The following DLC1 variants were observed in gnomAD, a reference collection of about 807,000 sequenced individuals.
DLC1 encodes the protein DLC1 Rho GTPase activating protein.
In DLC1, 54 loss-of-function variants were observed where a neutral mutation model predicts 140.3. That is an observed-to-expected ratio of 0.38 (90% confidence interval 0.31 to 0.48). The LOEUF (loss-of-function observed/expected upper bound fraction) is 0.48. Ranked by LOEUF, DLC1 falls within the 20% of genes least tolerant of loss-of-function variation. The pLI, the probability that DLC1 is intolerant of heterozygous loss-of-function variation, is 0.96. For missense variants in DLC1, 2,536 were observed against 1,907.0 expected (o/e 1.33, Z -6.14); for synonymous variants, 986 against 728.1 (o/e 1.35, Z -5.70).
intron 5 of DLC1, among the ~76,000 whole-genome samples, chr8:13,131,899 G>C (rs531875347): frequency 2.0e-5 from 3 of 152,306 alleles, no homozygotes; most frequent in South Asian, 2.1e-4. Flanking sequence ...GCTGAAGGAC[G>C]CTCGCGGACG....
At chr8:13,491,530 C>A (rs1356286780) in intron 2 of DLC1, among the ~76,000 whole-genome samples, 1 of 152,148 alleles carries the variant, frequency 6.6e-6, no homozygotes, top group Non-Finnish European at 1.5e-5. Flanking sequence ...CTAACAGTTT[C>A]CTTTTCTACA....
Position 13,188,777 on chromosome 8 carries a change from A to ATGTGTG in DLC1, c.1349-73126_1349-73121dup, listed in dbSNP as rs201849073. Among the ~76,000 whole-genome samples, 90 of 108,822 alleles carry ATGTGTG rather than the reference A, an allele frequency of 8.3e-4. 2 individuals carry two copies. The highest frequency in any genetic ancestry group is 3.4e-3 in the African/African-American group (84 of 24,976). 71.4% of individuals were successfully genotyped at this position (108,822 alleles called of 152,430 possible). ...AGGCATGTGCCACCATGCCCAGCTAATGTGTGTGTGTGTGTGTGTGTGTGT... is the reference window on the plus strand; with the variant it reads ...AGGCATGTGCCACCATGCCCAGCTAATGTGTGTGTGTGTGTGTGTGTGTGTGTGTGT... On this transcript the variant is annotated intron_variant, in intron 5 of 17. Coordinates refer to ENST00000276297, the MANE Select transcript of DLC1 (RefSeq NM_182643.3).
chr8:13,459,265 C>T (rs1161881565), intron 2 of DLC1, among the ~76,000 whole-genome samples: 1 of 152,086 alleles, frequency 6.6e-6, no homozygotes, highest in Non-Finnish European at 1.5e-5. Context: ...CCCCCTCTTT[C>T]ATTCTGTGTC....
At chr8:13,239,474 T>A (rs1459627375) in intron 5 of DLC1, among the ~76,000 whole-genome samples, 1 of 152,120 alleles carries the variant, frequency 6.6e-6, no homozygotes, top group Non-Finnish European at 1.5e-5. Flanking sequence ...TTTAGACTGA[T>A]CACAGGCACA....
upstream of DLC1, chr8:13,514,944 C>T (rs565865498): frequency 1.8e-5 from 5 of 282,596 alleles, no homozygotes; most frequent in Non-Finnish European, 3.3e-5. Context: ...AAAGGCTGTA[C>T]GAAGAGAGGG....
chr8:13,514,363 T>C (rs1021448488), intron 1 of DLC1, among the ~76,000 whole-genome samples: 1 of 152,136 alleles, frequency 6.6e-6, no homozygotes. Context: ...AAAAATAAAA[T>C]CTTACTTTAT....
chr8:13,113,969 C>T (rs1454725375), intron 6 of DLC1, among the ~76,000 whole-genome samples: 1 of 152,200 alleles, frequency 6.6e-6, no homozygotes, highest in Non-Finnish European at 1.5e-5. Flanking sequence ...ATTCACCCAA[C>T]CTCTGTTTGA....
intron 15 of DLC1, among the ~76,000 whole-genome samples, chr8:13,089,704 C>T (rs1306092200): frequency 1.3e-5 from 2 of 152,194 alleles, no homozygotes; most frequent in East Asian, 1.9e-4. Context: ...CCAGCCTACT[C>T]CCACTGTTTG....
At chr8:13,430,539 A>G (rs1164936700) in intron 2 of DLC1, among the ~76,000 whole-genome samples, 1 of 152,130 alleles carries the variant, frequency 6.6e-6, no homozygotes, top group African/African-American at 2.4e-5. Context: ...TTTAGGTTAT[A>G]TTTTGTGGTG....
chr8:13,569,017 C>T (rs1804552016), intron 1 of DLC1, among the ~76,000 whole-genome samples: 1 of 152,160 alleles, frequency 6.6e-6, no homozygotes. Flanking sequence ...TCTAGATAGC[C>T]ATTTTGGTCG....
intron 11 of DLC1, 57 bp downstream of exon 11, chr8:13,095,029 A>C: frequency 4.3e-6 from 7 of 1,613,492 alleles, no homozygotes; most frequent in Non-Finnish European, 5.9e-6. Flanking sequence ...CAACTAGAAG[A>C]AGCTGCATGT....
chr8:13,088,643 T>C lies in DLC1; in HGVS notation c.4136A>G (p.Glu1379Gly). 1 of 1,614,134 alleles carries C rather than the reference T, an allele frequency of 6.2e-7. No homozygotes were observed. The highest frequency in any genetic ancestry group is 8.5e-7 in the Non-Finnish European group (1 of 1,180,030). Residue 1379 changes from glutamate to glycine, a missense_variant, in exon 16 of 18, where the codon GAG becomes GGG. Glu to Gly is a moderately conservative substitution (Grantham distance 98). Transcript: ENST00000276297. ...RSVIEVPAVPEEILKRLLKEQ... is the reference protein window; with the variant it reads ...RSVIEVPAVPGEILKRLLKEQ... The stretch of plus-strand genomic sequence containing the variant: ...TTTAAGTAGGCGCTTTAAGATTTCC[T>C]CTGGCACAGCAGGGACTTCAATGAC...
chr8:13,458,350 C>T (rs1267050527), intron 2 of DLC1, among the ~76,000 whole-genome samples: 2 of 152,154 alleles, frequency 1.3e-5, no homozygotes, highest in African/African-American at 4.8e-5. Flanking sequence ...GTGACTTTCC[C>T]AGAATTAAAC....
chr8:13,254,077 G>A (rs1303219190), intron 5 of DLC1, among the ~76,000 whole-genome samples: 6 of 151,988 alleles, frequency 3.9e-5, no homozygotes, highest in Admixed American at 1.3e-4. Flanking sequence ...TAGGAGACCT[G>A]CTTTAGGGTT....
chr8:13,596,545 A>C (rs1805686104), intron 1 of DLC1, among the ~76,000 whole-genome samples: 1 of 152,024 alleles, frequency 6.6e-6, no homozygotes, highest in African/African-American at 2.4e-5. Flanking sequence ...TTAAGAAATT[A>C]GCAGAGTAAC....
At chr8:13,217,431 A>G (rs573108090) in intron 5 of DLC1, among the ~76,000 whole-genome samples, 29 of 152,310 alleles carry the variant, frequency 1.9e-4, no homozygotes, top group African/African-American at 7.0e-4. Flanking sequence ...AATGATCTGC[A>G]TCTGAGCCAC....
chr8:13,556,352 G>A (rs944634079), intron 1 of DLC1, among the ~76,000 whole-genome samples: 1 of 152,086 alleles, frequency 6.6e-6, no homozygotes, highest in African/African-American at 2.4e-5. Flanking sequence ...GGAATCACCT[G>A]GCAATCCTAG....
At chr8:13,490,579 G>A (rs1018442527) in intron 2 of DLC1, among the ~76,000 whole-genome samples, 6 of 152,130 alleles carry the variant, frequency 3.9e-5, no homozygotes, top group African/African-American at 1.4e-4. Context: ...TGTGGATATT[G>A]GCATTTCTTC....
rs372467914 is a variant in DLC1 at position 13,295,082 on chromosome 8, G to C, written c.1348+10187C>G. ...CTGCCTTTTAGGAAACCACAGCTCAGTGGGGAAAATTTTGAGATAAATATA... is the reference window on the plus strand; with the variant it reads ...CTGCCTTTTAGGAAACCACAGCTCACTGGGGAAAATTTTGAGATAAATATA... On this transcript the variant is annotated intron_variant, in intron 5 of 17. Coordinates refer to ENST00000276297, the MANE Select transcript of DLC1 (RefSeq NM_182643.3). Among the ~76,000 whole-genome samples, 9 of 152,292 alleles carry C rather than the reference G, an allele frequency of 5.9e-5. No homozygotes were observed. In the South Asian group the frequency reaches 1.9e-3, roughly 32 times the overall value.
Sources: gnomAD v4.1 joint callset for allele counts (sites outside exome capture counted in the v4.1 genomes callset) on GRCh38, gnomAD v4.1.1 for gene constraint, MANE v1.5 for transcripts, NCBI Gene and HGNC (gene_info 2026-07-23, HGNC 2026-07-21) for gene names.